Variants in XPOT observed in about 807,000 individuals in gnomAD.
XPOT encodes exportin for tRNA.
In XPOT, 34 loss-of-function variants were observed where a neutral mutation model predicts 128.2. The ratio of observed to expected loss-of-function variants is 0.27; its 90% CI spans 0.20 to 0.35. The LOEUF (loss-of-function observed/expected upper bound fraction) is 0.35, where lower values mean the gene tolerates loss of function less well. Among genes scored for constraint, XPOT ranks in the 10% least tolerant of loss-of-function variants. XPOT has a pLI of 1.00. For synonymous variants in XPOT, 348 were observed against 394.3 expected (o/e 0.88, Z 1.39); for missense variants, 838 against 1,125.3 (o/e 0.74, Z 3.65).
intron 3 of XPOT, 50 bp downstream of exon 3, chr12:64,415,039 C>A: frequency 8.8e-7 from 1 of 1,142,280 alleles, no homozygotes; most frequent in Admixed American, 2.0e-5. Flanking sequence ...GTGGACATGA[C>A]AGGACTGTGA....
chr12:64,438,777 G>A (rs1035985143), intron 22 of XPOT, among the ~76,000 whole-genome samples: 1 of 151,984 alleles, frequency 6.6e-6, no homozygotes, highest in African/African-American at 2.4e-5. Flanking sequence ...ACAGGCATGC[G>A]CCATGATGCC....
intron 9 of XPOT, among the ~76,000 whole-genome samples, chr12:64,422,176 A>C (rs1383441661): frequency 3.3e-5 from 5 of 152,220 alleles, no homozygotes; most frequent in Admixed American, 3.3e-4. Flanking sequence ...TAGTCTCCAT[A>C]TTATAGCATT....
In XPOT at chr12:64,442,212, C is replaced by T. The variant is rs185424093; in HGVS notation, c.2806-2863C>T. On this transcript the variant is annotated intron_variant, in intron 23 of 24. Transcript: ENST00000332707. ...CTCTGCTCACTGTAACCTCCACCTCCCGGGTTCAAGCAATTCTCCGGGTTC... is the reference window on the plus strand; with the variant it reads ...CTCTGCTCACTGTAACCTCCACCTCTCGGGTTCAAGCAATTCTCCGGGTTC... 1.0e-3 allele frequency among the ~76,000 whole-genome samples: 157 copies of T among 152,228 alleles called. 2 individuals are homozygous for T. The East Asian group carries it at 0.026, about 25-fold the overall frequency.
At chr12:64,447,814 G>A (rs2136043564) in intron 24 of XPOT, among the ~76,000 whole-genome samples, 1 of 152,162 alleles carries the variant, frequency 6.6e-6, no homozygotes, top group Middle Eastern at 3.4e-3. Flanking sequence ...TCAGTAAAAA[G>A]GTGTCAAGAG....
chr12:64,429,050 A>G (rs964273276), intron 16 of XPOT, among the ~76,000 whole-genome samples: 1 of 152,242 alleles, frequency 6.6e-6, no homozygotes, highest in African/African-American at 2.4e-5. Context: ...TCACTACAAC[A>G]TATGCAGTCA....
At position 64,415,964 on chromosome 12, in the gene XPOT, G is replaced by A. The variant is rs1314332890; in HGVS notation, c.144-734G>A. ...TTCCTTCTGCAGTGTGGCTTTCTAT[G>A]AAATCTTTCTAAAGCATTCAACTAA... On this transcript the variant is annotated intron_variant, in intron 3 of 24. Transcript: ENST00000332707. Among the ~76,000 whole-genome samples the A allele has an allele frequency of 2.6e-5, 4 of 152,314 alleles. No homozygotes were observed. The South Asian group carries it at 8.3e-4, about 32-fold the overall frequency.
intron 22 of XPOT, among the ~76,000 whole-genome samples, chr12:64,437,979 A>C (rs1592339218): frequency 1.3e-5 from 2 of 152,282 alleles, no homozygotes; most frequent in South Asian, 4.1e-4. Context: ...ACTCTGTCTC[A>C]AAAAACAAAA....
rs936945965 is a variant in XPOT, at chr12:64,404,659, C to G, written c.-220C>G. On this transcript the variant is annotated 5_prime_UTR_variant, in exon 1 of 25. Coordinates refer to ENST00000332707, the MANE Select transcript of XPOT (RefSeq NM_007235.6). ...CGCGCGGTCCCGGCCAGCACCGTCT[C>G]TGGCGTTGTAGCTGCGGCCGTGGCG... 8 of 152,438 alleles carry G rather than the reference C, an allele frequency of 5.2e-5. No homozygotes were observed. Among genetic ancestry groups the G allele is most frequent in the Non-Finnish European group, 1.0e-4 (7 of 68,176 alleles). The allele number at this position is 152,438 out of a possible 1,614,324, so 9.4% of individuals were successfully genotyped here.
chr12:64,441,811 C>T (rs2040327033), intron 23 of XPOT, among the ~76,000 whole-genome samples: 1 of 151,844 alleles, frequency 6.6e-6, no homozygotes, highest in Admixed American at 6.6e-5. Context: ...GGCTCAGCTT[C>T]CTGAGTAGCT....
intron 3 of XPOT, among the ~76,000 whole-genome samples, chr12:64,415,645 C>G (rs950310423): frequency 1.3e-5 from 2 of 152,142 alleles, no homozygotes; most frequent in African/African-American, 4.8e-5. Flanking sequence ...TTCCAAAGTG[C>G]TGGGATTACA....
Position 64,420,536 on chromosome 12 carries a change from A to G in XPOT, c.843+15A>G, listed in dbSNP as rs954168629. 6 of 1,595,272 alleles carry G rather than the reference A, an allele frequency of 3.8e-6. No homozygotes were observed. Among genetic ancestry groups the G allele is most frequent in the Non-Finnish European group, 5.1e-6 (6 of 1,170,240 alleles). ...GCATTGACCAGGTTGGTAAATTTAT[A>G]TAAAACATTGTATGTAAAGTTGTTA... On this transcript the variant is annotated intron_variant, in intron 8 of 24. Transcript: ENST00000332707.
intron 6 of XPOT, among the ~76,000 whole-genome samples, chr12:64,419,631 A>T (rs1184374024): frequency 6.6e-6 from 1 of 152,148 alleles, no homozygotes; most frequent in Non-Finnish European, 1.5e-5. Flanking sequence ...AACTAGGCAA[A>T]TACTGTAGTG....
intron 23 of XPOT, among the ~76,000 whole-genome samples, chr12:64,439,833 A>C (rs549565590): frequency 1.6e-4 from 25 of 152,348 alleles, no homozygotes; most frequent in Admixed American, 3.3e-4. Flanking sequence ...CTTGGCATAT[A>C]ATTTTCCAGA....
At chr12:64,436,222 A>AAGTGCTGGGATT (rs1269244761) in intron 22 of XPOT, among the ~76,000 whole-genome samples, 1 of 151,530 alleles carries the variant, frequency 6.6e-6, no homozygotes, top group Non-Finnish European at 1.5e-5. Context: ...TGGCCTCCCA[A>AAGTGCTGGGATT]AGTGCTGGGA....
intron 22 of XPOT, among the ~76,000 whole-genome samples, chr12:64,436,973 A>G (rs2136034318): frequency 6.6e-6 from 1 of 152,328 alleles, no homozygotes; most frequent in Non-Finnish European, 1.5e-5. Flanking sequence ...TCTCAAAGCC[A>G]TAGAATGCCA....
At chr12:64,439,377 G>A (rs556850404) in intron 23 of XPOT, 62 bp downstream of exon 23, 1 of 1,440,016 alleles carries the variant, frequency 6.9e-7, no homozygotes, top group African/African-American at 1.4e-5. Flanking sequence ...CATTGCCTGT[G>A]ACATTGTCGC....
At chr12:64,445,276 A>G in intron 24 of XPOT, 145 bp downstream of exon 24, 1 of 577,236 alleles carries the variant, frequency 1.7e-6, no homozygotes, top group Non-Finnish European at 3.0e-6. Context: ...AGGTAAGCAC[A>G]CTGAATGTGT....
intron 2 of XPOT, among the ~76,000 whole-genome samples, chr12:64,413,294 G>T (rs1326850559): frequency 6.6e-6 from 1 of 151,982 alleles, no homozygotes; most frequent in African/African-American, 2.4e-5. Flanking sequence ...GTAGAGACAG[G>T]GTCCCACTAT....
At chr12:64,410,889 G>A (rs1276104584) in intron 2 of XPOT, among the ~76,000 whole-genome samples, 1 of 152,088 alleles carries the variant, frequency 6.6e-6, no homozygotes, top group African/African-American at 2.4e-5. Context: ...TAAGTGGAAA[G>A]GAAAGAGGCA....
Sources: allele counts gnomAD v4.1 joint callset (sites outside exome capture counted in the v4.1 genomes callset), GRCh38; gene constraint gnomAD v4.1.1; transcripts MANE v1.5; gene names NCBI Gene and HGNC (gene_info 2026-07-23, HGNC 2026-07-21).